The following ACTR3C variants were observed in gnomAD, a reference collection of about 807,000 sequenced individuals.
ACTR3C encodes the protein actin-related protein 3C.
A neutral mutation model predicts 26.3 loss-of-function variants in ACTR3C; 18 were observed. The ratio of observed to expected loss-of-function variants is 0.68; its 90% CI spans 0.47 to 1.01. The LOEUF is 1.01. Ranked by LOEUF, ACTR3C falls within the 50% of genes least tolerant of loss-of-function variation. The pLI is 0.00. For synonymous variants in ACTR3C, 55 were observed against 94.5 expected, an observed-to-expected ratio of 0.58 and a Z score of 2.42; for missense variants, 184 against 250.7, an observed-to-expected ratio of 0.73 and a Z score of 1.80.
At chr7:150,257,298 G>T (rs1833288604) in intron 6 of ACTR3C, among the ~76,000 whole-genome samples, 1 of 152,174 alleles carries the variant, frequency 6.6e-6, no homozygotes, top group African/African-American at 2.4e-5. Context: ...TCCTACAGTG[G>T]AAGGGAATGA....
the ACTR3C span, among the ~76,000 whole-genome samples, chr7:150,070,793 T>C: frequency 1.4e-5 from 2 of 147,284 alleles, no homozygotes; most frequent in Middle Eastern, 3.2e-3. Context: ...TTTTCTTTTT[T>C]CTTTTCTTTT....
chr7:150,275,306 C>T (rs1834782955), intron 6 of ACTR3C, among the ~76,000 whole-genome samples: 2 of 152,162 alleles, frequency 1.3e-5, no homozygotes, highest in East Asian at 1.9e-4. Context: ...TAAGAAAGGG[C>T]TCACAACATA....
chr7:150,029,363 C>T, the ACTR3C span, among the ~76,000 whole-genome samples: 4 of 139,106 alleles, frequency 2.9e-5, no homozygotes, highest in Non-Finnish European at 6.1e-5. Context: ...AGTTTGAGAC[C>T]AGGCTGGGCA....
chr7:149,908,464 C>G, the ACTR3C span, among the ~76,000 whole-genome samples: 2 of 152,078 alleles, frequency 1.3e-5, no homozygotes, highest in African/African-American at 4.8e-5. Flanking sequence ...TAAATGTTCT[C>G]AAAGAATCTG....
the ACTR3C span, among the ~76,000 whole-genome samples, chr7:149,908,185 G>A: frequency 6.6e-6 from 1 of 152,306 alleles, no homozygotes; most frequent in Admixed American, 6.5e-5. Context: ...GCCGTGGGGA[G>A]AGGCCTCACG....
the ACTR3C span, among the ~76,000 whole-genome samples, chr7:149,887,310 G>A: frequency 6.6e-6 from 1 of 152,212 alleles, no homozygotes; most frequent in Non-Finnish European, 1.5e-5. Flanking sequence ...AGACTTTTGA[G>A]CATGAAGAGA....
At chr7:150,076,935 C>T in the ACTR3C span, among the ~76,000 whole-genome samples, 4 of 152,062 alleles carry the variant, frequency 2.6e-5, no homozygotes, top group Non-Finnish European at 5.9e-5. Context: ...GAGGCCAAGG[C>T]GAGCGAATCA....
At chr7:150,037,014 TACCAAC>T in the ACTR3C span, among the ~76,000 whole-genome samples, 3 of 79,646 alleles carry the variant, frequency 3.8e-5, no homozygotes, top group South Asian at 4.3e-4. Flanking sequence ...GCGATGGGGG[TACCAAC>T]AGCCAGGGGC....
chr7:149,884,594 T>TA, the ACTR3C span, among the ~76,000 whole-genome samples: 177 of 145,632 alleles, frequency 1.2e-3, 1 homozygote, highest in South Asian at 0.016. Context: ...TTTGTCAACT[T>TA]AAAAAAAAAA....
At chr7:150,082,775 T>A in the ACTR3C span, among the ~76,000 whole-genome samples, 1 of 152,018 alleles carries the variant, frequency 6.6e-6, no homozygotes, top group Non-Finnish European at 1.5e-5. Context: ...TCTTTGTATT[T>A]ACGAATTCCT....
chr7:150,120,521 C>T, the ACTR3C span, among the ~76,000 whole-genome samples: 8 of 152,028 alleles, frequency 5.3e-5, no homozygotes, highest in African/African-American at 1.9e-4. Context: ...TATACCCTCC[C>T]AAGACTAAAC....
At chr7:150,293,203 T>C (rs1836427800) in intron 3 of ACTR3C, 109 bp downstream of exon 3, 2 of 1,545,884 alleles carry the variant, frequency 1.3e-6, no homozygotes, top group Non-Finnish European at 1.7e-6. Context: ...AACTATCATC[T>C]AAATTGTATT....
chr7:150,144,939 A>AC, the ACTR3C span, among the ~76,000 whole-genome samples: 2 of 151,870 alleles, frequency 1.3e-5, no homozygotes, highest in African/African-American at 4.8e-5. The surrounding 1 kb of genome is among the most constrained non-coding windows in gnomAD (Gnocchi z 4.6). Context: ...AGTCCCAGCT[A>AC]CTAGGACGGC....
chr7:150,178,121 G>A, the ACTR3C span, among the ~76,000 whole-genome samples: 3 of 150,196 alleles, frequency 2.0e-5, 1 homozygote, highest in African/African-American at 5.0e-5. Flanking sequence ...ACACAACATC[G>A]TCTTCCAAGC....
the ACTR3C span, among the ~76,000 whole-genome samples, chr7:149,953,655 G>A: frequency 5.3e-5 from 8 of 152,124 alleles, no homozygotes; most frequent in Non-Finnish European, 1.0e-4. Context: ...AAAACACTCC[G>A]TCTTCGTTGC....
At chr7:149,991,428 G>T in the ACTR3C span, among the ~76,000 whole-genome samples, 238 of 152,326 alleles carry the variant, frequency 1.6e-3, 2 homozygotes, top group Admixed American at 0.016. Flanking sequence ...ATGAGGAAAG[G>T]CTGGTCGTTA....
the ACTR3C span, chr7:150,004,625 C>T: frequency 6.6e-6 from 1 of 152,142 alleles, no homozygotes; most frequent in Non-Finnish European, 1.5e-5. Context: ...GTGGGAAAAC[C>T]TTACAGACAC....
At chr7:150,169,347 T>C in the ACTR3C span, among the ~76,000 whole-genome samples, 7 of 138,904 alleles carry the variant, frequency 5.0e-5, no homozygotes, top group Admixed American at 1.5e-4. Context: ...CTCGCCACCG[T>C]GCTCCAGCCT....
At chr7:150,023,830 C>T in the ACTR3C span, among the ~76,000 whole-genome samples, 2 of 142,356 alleles carry the variant, frequency 1.4e-5, no homozygotes, top group African/African-American at 2.6e-5. Context: ...TGGGCACGGC[C>T]GACACTTAAG....
Sources: gnomAD v4.1 joint callset for allele counts (sites outside exome capture counted in the v4.1 genomes callset) on GRCh38, gnomAD v4.1.1 for gene constraint, Gnocchi (gnomAD v3.1) non-coding constraint, MANE v1.5 for transcripts, NCBI Gene and HGNC (gene_info 2026-07-23, HGNC 2026-07-21) for gene names.